PROZ: variants seen among roughly 807,000 people sequenced by gnomAD.
The protein encoded by PROZ is protein Z, vitamin K dependent plasma glycoprotein.
In PROZ, 46 loss-of-function variants were observed where a neutral mutation model predicts 34.9. That is an observed-to-expected ratio of 1.32 (90% CI 1.04 to 1.69). The LOEUF is 1.69. Among genes scored for constraint, PROZ ranks in the 40% most tolerant of loss-of-function variants. PROZ has a pLI of 0.00. For synonymous variants in PROZ, 195 were observed against 208.5 expected, an observed-to-expected ratio of 0.94 and a Z score of 0.56; for missense variants, 530 against 520.4, an observed-to-expected ratio of 1.02 and a Z score of -0.18.
Position 113,170,908 on chromosome 13 carries a change from T to C in PROZ, c.691+378T>C, listed in dbSNP as rs1422223308. On this transcript the variant is annotated intron_variant, in intron 7 of 7. Coordinates refer to ENST00000375547, the MANE Select transcript of PROZ (RefSeq NM_003891.3). ...CTGAGGCAGTGGCCTTCTCATCGGC[T>C]TATCTGTGCCTATTTCTTTCTTTTT... Among the ~76,000 whole-genome samples the C allele has an allele frequency of 2.0e-5, 3 of 150,654 alleles. No individual in the cohort carries two copies. In the Admixed American group the frequency reaches 2.0e-4, roughly 10 times the overall value.
At chr13:113,164,986 T>C (rs2036880677) in intron 5 of PROZ, 67 bp from the exon 6 acceptor site, 14 of 1,468,840 alleles carry the variant, frequency 9.5e-6, no homozygotes, top group Admixed American at 3.4e-5. Flanking sequence ...GTTAACACCA[T>C]AGACAGAGTC....
Position 113,171,910 on chromosome 13 carries a change from C to T in PROZ, c.1008C>T (p.Thr336=), listed in dbSNP as rs2037122790. Residue 336 remains threonine (T), a synonymous_variant, in exon 8 of 8, where the codon ACC becomes ACT. Coordinates refer to ENST00000375547, the MANE Select transcript of PROZ (RefSeq NM_003891.3). The surrounding 1 kb of genome is among the most constrained non-coding windows in gnomAD (Gnocchi z 5.1). ...GGCAGGTCCTGAATGTGACTGTCAC[C>T]ACCAGGACCTACTGTGAGAGAAGCA... ...ECGQVLNVTV[T]TRTYCERSSV... 1 of 1,613,786 alleles carries T rather than the reference C, an allele frequency of 6.2e-7. No individual in the cohort carries two copies. The highest frequency in any genetic ancestry group is 1.7e-5 in the Admixed American group (1 of 60,028).
In PROZ at chr13:113,159,106, C is replaced by A; in HGVS notation, c.70+376C>A. The A allele has an allele frequency of 9.4e-7, 1 of 1,058,568 alleles. No individual in the cohort carries two copies. The highest frequency in any genetic ancestry group is 1.4e-6 in the Non-Finnish European group (1 of 706,078). The allele number at this position is 1,058,568 out of a possible 1,614,324, so 65.6% of individuals were successfully genotyped here. The stretch of plus-strand genomic sequence containing the variant: ...AGACTGCAATGTGGGCAGAGAGAGC[C>A]TTGGCCAGGCCAGCCAGGAATGCCC... On this transcript the variant is annotated intron_variant, in intron 1 of 7. Transcript: ENST00000375547. This position sits in a 1 kb window ranked among gnomAD's most constrained non-coding sequence, Gnocchi z 4.6.
At chr13:113,160,813 T>C in intron 2 of PROZ, 135 bp from the exon 3 acceptor site, 1 of 745,744 alleles carries the variant, frequency 1.3e-6, no homozygotes, top group Non-Finnish European at 2.3e-6. Context: ...ACAGGAAAAT[T>C]GTGCATTGTT....
intron 5 of PROZ, 44 bp downstream of exon 5, chr13:113,164,688 G>C: frequency 6.2e-7 from 1 of 1,610,220 alleles, no homozygotes; most frequent in Non-Finnish European, 8.5e-7. Flanking sequence ...CAATGCCAGC[G>C]ACCCCGTCCA....
In PROZ at chr13:113,171,740, G is replaced by T. The variant is rs780841295; in HGVS notation, c.838G>T (p.Val280Leu). The T allele has an allele frequency of 5.6e-6, 9 of 1,612,160 alleles. No homozygotes were observed. Among genetic ancestry groups the T allele is most frequent in the Non-Finnish European group, 6.8e-6 (8 of 1,178,700 alleles). Residue 280 changes from valine (V) to leucine (L), a missense_variant, in exon 8 of 8, where the codon GTG (valine) becomes TTG (leucine). Val to Leu is a conservative substitution (Grantham distance 32). Transcript: ENST00000375547. This position sits in a 1 kb window ranked among gnomAD's most constrained non-coding sequence, Gnocchi z 5.1. The part of the protein sequence containing the change: ...PIQCPGAGLP[V>L]CTPEKDFAEH... Reference sequence around the variant, plus strand: ...CCAGTGCCCAGGTGCGGGGCTCCCCGTGTGCACCCCTGAGAAAGACTTCGC... The same window carrying T: ...CCAGTGCCCAGGTGCGGGGCTCCCCTTGTGCACCCCTGAGAAAGACTTCGC...
In PROZ at chr13:113,160,176, C is replaced by T; in HGVS notation, c.233C>T (p.Thr78Ile). The T allele has an allele frequency of 6.2e-7, 1 of 1,614,046 alleles. No homozygotes were observed. The highest frequency in any genetic ancestry group is 8.5e-7 in the Non-Finnish European group (1 of 1,179,990). The change falls in exon 2 of 8, where the codon ACT (threonine) becomes ATT (isoleucine). Residue 78 changes from threonine (T) to isoleucine (I), a missense_variant and splice_region_variant. Coordinates refer to ENST00000375547, the MANE Select transcript of PROZ (RefSeq NM_003891.3). ...GAAGTGTTTGAAAATGAAGTAGTCA[C>T]TGTATGTACCCCCACCACAAACCAC... The part of the protein sequence containing the change: ...AREVFENEVV[T>I]DEFWRRYKGG...
intron 6 of PROZ, among the ~76,000 whole-genome samples, chr13:113,166,895 A>G (rs1008558211): frequency 5.3e-5 from 8 of 152,184 alleles, no homozygotes; most frequent in Non-Finnish European, 8.8e-5. Context: ...CTGCAACCGT[A>G]GCACTCATAC....
chr13:113,169,316 A>G (rs2037040950), intron 6 of PROZ, among the ~76,000 whole-genome samples: 1 of 152,244 alleles, frequency 6.6e-6, no homozygotes, highest in Non-Finnish European at 1.5e-5. Context: ...GTTTTTAAAA[A>G]TACGTATTTT....
In PROZ at chr13:113,165,115, TG is replaced by T. The variant is rs780881289; in HGVS notation, c.570del (p.Trp190CysfsTer3). ...KRAPDLQDLP[W>X]QVKLTNSEGK... is the part of the protein sequence containing the mutation. Reference sequence around the variant, plus strand: ...TGCACCGGATCTACAGGACCTCCCGTGGCAGGTAACAGAGCGCTCTCCGCGT... The same window carrying T: ...TGCACCGGATCTACAGGACCTCCCGTGCAGGTAACAGAGCGCTCTCCGCGT... On this transcript the variant is annotated frameshift_variant, in exon 6 of 8. Transcript: ENST00000375547. LOFTEE classifies it high-confidence loss of function. 2.5e-6 allele frequency: 4 copies of T among 1,611,624 alleles called. No homozygotes were observed. In the African/African-American group the frequency reaches 5.3e-5, roughly 22 times the overall value.
chr13:113,160,309 A>G, intron 2 of PROZ, 132 bp downstream of exon 2: 1 of 1,159,330 alleles, frequency 8.6e-7, no homozygotes, highest in Non-Finnish European at 1.3e-6. Context: ...ACACAATCCC[A>G]GTTTTACAGA....
rs923203694 is a variant in PROZ at position 113,159,527 on chromosome 13, G to A, written c.71-487G>A. The stretch of plus-strand genomic sequence containing the variant: ...GGAAGAGGCTCCAGAGACCACTGCC[G>A]CGGGTCAACTCATTTGCCTTCTCCT... On this transcript the variant is annotated intron_variant, in intron 1 of 7. Coordinates refer to ENST00000375547, the MANE Select transcript of PROZ (RefSeq NM_003891.3). The surrounding 1 kb of genome is among the most constrained non-coding windows in gnomAD (Gnocchi z 4.6). Among the ~76,000 whole-genome samples, 19 of 152,276 alleles carry A rather than the reference G, an allele frequency of 1.2e-4. No homozygotes were observed. The highest frequency in any genetic ancestry group is 3.4e-3 in the Middle Eastern group (1 of 294).
intron 4 of PROZ, among the ~76,000 whole-genome samples, chr13:113,163,517 C>T (rs916006244): frequency 6.6e-6 from 1 of 152,198 alleles, no homozygotes; most frequent in African/African-American, 2.4e-5. Context: ...CTTAAATACC[C>T]GCCAAATGTC....
chr13:113,166,631 G>A (rs1021730495), intron 6 of PROZ, among the ~76,000 whole-genome samples: 11 of 152,248 alleles, frequency 7.2e-5, no homozygotes, highest in Admixed American at 2.0e-4. Context: ...GTGATGGAAG[G>A]CGGGGATGGA....
At chr13:113,165,822 C>T (rs3024740) in intron 6 of PROZ, among the ~76,000 whole-genome samples, 36,657 of 152,198 alleles carry the variant, frequency 0.24, 5,539 homozygotes, top group Non-Finnish European at 0.32. Flanking sequence ...TGAGCCACCA[C>T]GCCTGGCCTC....
At position 113,171,723 on chromosome 13, in the gene PROZ, C is replaced by T. The variant is rs1345618704; in HGVS notation, c.821C>T (p.Pro274Leu). 6.2e-7 allele frequency: 1 copy of T among 1,612,804 alleles called. No individual in the cohort carries two copies. Among genetic ancestry groups the T allele is most frequent in the South Asian group, 1.1e-5 (1 of 91,032 alleles). ...LLELEWPIQC[P>L]GAGLPVCTPE... The stretch of plus-strand genomic sequence containing the variant: ...GAGCTGGAGTGGCCCATCCAGTGCC[C>T]AGGTGCGGGGCTCCCCGTGTGCACC... The change falls in exon 8 of 8, where the codon CCA (proline) becomes CTA (leucine). Residue 274 changes from proline to leucine, a missense_variant. By Grantham distance (98) the Pro-to-Leu change is moderately conservative. Coordinates refer to ENST00000375547, the MANE Select transcript of PROZ (RefSeq NM_003891.3). This position sits in a 1 kb window ranked among gnomAD's most constrained non-coding sequence, Gnocchi z 5.1.
At position 113,172,177 on chromosome 13, in the gene PROZ, G is replaced by A. The variant is rs1025262271; in HGVS notation, c.*72G>A. The A allele has an allele frequency of 5.7e-6, 9 of 1,571,898 alleles. No individual in the cohort carries two copies. The Admixed American group carries it at 1.6e-4, about 28-fold the overall frequency. ...TCCAAGCTGGCACTGCCACTGTGGAGGGCGCTGAAACTTCATCACACACTG... is the reference window on the plus strand; with the variant it reads ...TCCAAGCTGGCACTGCCACTGTGGAAGGCGCTGAAACTTCATCACACACTG... On this transcript the variant is annotated 3_prime_UTR_variant, in exon 8 of 8. Coordinates refer to ENST00000375547, the MANE Select transcript of PROZ (RefSeq NM_003891.3).
At chr13:113,168,020 C>T (rs757306135) in intron 6 of PROZ, among the ~76,000 whole-genome samples, 7 of 152,170 alleles carry the variant, frequency 4.6e-5, no homozygotes, top group South Asian at 4.1e-4. Flanking sequence ...ACGCCACATC[C>T]GCTCGCTGTA....
chr13:113,169,161 C>T (rs2037036565), intron 6 of PROZ, among the ~76,000 whole-genome samples: 1 of 152,166 alleles, frequency 6.6e-6, no homozygotes, highest in African/African-American at 2.4e-5. Context: ...TCTCCGTTCT[C>T]TCCGTGTTTT....
Sources: gnomAD v4.1 joint callset for allele counts (sites outside exome capture counted in the v4.1 genomes callset) on GRCh38, gnomAD v4.1.1 for gene constraint, Gnocchi (gnomAD v3.1) non-coding constraint, MANE v1.5 for transcripts, NCBI Gene and HGNC (gene_info 2026-07-23, HGNC 2026-07-21) for gene names.